Variants in TEX36 observed in about 807,000 individuals in gnomAD.
TEX36 encodes testis-expressed protein 36.
In TEX36, 12 loss-of-function variants were observed where a neutral mutation model predicts 13.6. The ratio of observed to expected loss-of-function variants is 0.88; its 90% CI spans 0.56 to 1.43. TEX36 has a LOEUF of 1.43. TEX36 is among the 40% of genes most tolerant of loss of function. TEX36 has a pLI of 0.00. For missense variants in TEX36, 224 were observed against 228.3 expected (o/e 0.98, Z 0.12); for synonymous variants, 93 against 83.0 (o/e 1.12, Z -0.65).
intron 3 of TEX36, among the ~76,000 whole-genome samples, chr10:125,633,403 T>C (rs1846584583): frequency 6.6e-6 from 1 of 152,234 alleles, no homozygotes. Flanking sequence ...CCTGTAATGC[T>C]CTCAGTTCTG....
intron 3 of TEX36, among the ~76,000 whole-genome samples, chr10:125,628,195 C>G (rs149662439): frequency 6.6e-6 from 1 of 152,184 alleles, no homozygotes; most frequent in Non-Finnish European, 1.5e-5. Context: ...GTGTGCTTGT[C>G]GTGGAAGGGA....
At chr10:125,610,022 G>A (rs1846270821) in intron 3 of TEX36, among the ~76,000 whole-genome samples, 1 of 152,132 alleles carries the variant, frequency 6.6e-6, no homozygotes, top group African/African-American at 2.4e-5. Flanking sequence ...TATAATACAT[G>A]AGCATACTAA....
At chr10:125,681,313 A>G (rs952466187) in intron 1 of TEX36, among the ~76,000 whole-genome samples, 2 of 152,196 alleles carry the variant, frequency 1.3e-5, no homozygotes, top group Non-Finnish European at 2.9e-5. Flanking sequence ...AGAAATATAA[A>G]TCCCTATTTG....
At chr10:125,646,612 T>C (rs898491320) in intron 3 of TEX36, among the ~76,000 whole-genome samples, 2 of 151,936 alleles carry the variant, frequency 1.3e-5, no homozygotes, top group African/African-American at 4.8e-5. Context: ...GCAACAAAAA[T>C]GTAGAGTTGG....
intron 1 of TEX36, among the ~76,000 whole-genome samples, chr10:125,676,379 T>G (rs1361236743): frequency 6.6e-6 from 1 of 152,246 alleles, no homozygotes; most frequent in East Asian, 1.9e-4. Flanking sequence ...TCTTTGTATT[T>G]TTTTTACTGT....
At chr10:125,628,126 A>G (rs960111944) in intron 3 of TEX36, among the ~76,000 whole-genome samples, 1 of 152,238 alleles carries the variant, frequency 6.6e-6, no homozygotes, top group East Asian at 1.9e-4. Context: ...TTGGCACCTG[A>G]AGGAAAAAAA....
At chr10:125,679,058 G>C (rs989991887) in intron 1 of TEX36, among the ~76,000 whole-genome samples, 1 of 151,698 alleles carries the variant, frequency 6.6e-6, no homozygotes, top group Non-Finnish European at 1.5e-5. Context: ...TCATGCTCCA[G>C]TCCTGCCAGG....
At chr10:125,664,973 T>C (rs1049262513) in intron 1 of TEX36, among the ~76,000 whole-genome samples, 8 of 152,222 alleles carry the variant, frequency 5.3e-5, no homozygotes, top group African/African-American at 1.9e-4. Flanking sequence ...ATCAATGATG[T>C]TGAGCACCTT....
chr10:125,622,234 C>G (rs191016544), intron 3 of TEX36, among the ~76,000 whole-genome samples: 88 of 152,306 alleles, frequency 5.8e-4, no homozygotes, highest in African/African-American at 2.0e-3. Flanking sequence ...AAGAAGCACA[C>G]TAATCCTTAA....
chr10:125,654,162 T>C (rs1034171007), downstream of TEX36, among the ~76,000 whole-genome samples: 10 of 152,108 alleles, frequency 6.6e-5, no homozygotes, highest in Non-Finnish European at 1.5e-4. Flanking sequence ...TGAAACATTA[T>C]TAGAACTTTC....
chr10:125,633,303 A>T (rs1178111331), intron 3 of TEX36, among the ~76,000 whole-genome samples: 1 of 152,154 alleles, frequency 6.6e-6, no homozygotes, highest in Non-Finnish European at 1.5e-5. Flanking sequence ...AGGGATCAAC[A>T]TCTCTCTAGA....
At chr10:125,636,514 T>C (rs1846626026) in intron 3 of TEX36, among the ~76,000 whole-genome samples, 1 of 152,166 alleles carries the variant, frequency 6.6e-6, no homozygotes, top group Non-Finnish European at 1.5e-5. Context: ...ACGCCCAGCC[T>C]TGCTGAACTA....
intron 1 of TEX36, among the ~76,000 whole-genome samples, chr10:125,673,642 G>A (rs1458715610): frequency 3.3e-5 from 5 of 150,698 alleles, no homozygotes; most frequent in African/African-American, 1.2e-4. Context: ...CCCAGGAGGT[G>A]GAGGTGGCAG....
chr10:125,599,214 A>G (rs924657712), intron 3 of TEX36, among the ~76,000 whole-genome samples: 1 of 152,218 alleles, frequency 6.6e-6, no homozygotes, highest in African/African-American at 2.4e-5. Flanking sequence ...AACTGCATCC[A>G]CTAACGGTTT....
intron 3 of TEX36, among the ~76,000 whole-genome samples, chr10:125,606,130 A>G (rs1846212987): frequency 6.6e-6 from 1 of 152,202 alleles, no homozygotes; most frequent in African/African-American, 2.4e-5. Context: ...TAAAAAATCA[A>G]TTCCTGGAAT....
intron 3 of TEX36, among the ~76,000 whole-genome samples, chr10:125,594,160 A>T (rs776579336): frequency 6.6e-6 from 1 of 152,224 alleles, no homozygotes; most frequent in Non-Finnish European, 1.5e-5. Context: ...ACCTTACTTT[A>T]GCCCAGAAGA....
intron 3 of TEX36, among the ~76,000 whole-genome samples, chr10:125,615,834 A>C (rs544949202): frequency 6.6e-6 from 1 of 152,164 alleles, no homozygotes; most frequent in East Asian, 1.9e-4. Flanking sequence ...TTTTCTATTG[A>C]TTGGAATAGT....
intron 1 of TEX36, among the ~76,000 whole-genome samples, chr10:125,669,074 C>T (rs1014965051): frequency 3.9e-5 from 6 of 152,042 alleles, no homozygotes; most frequent in Non-Finnish European, 7.4e-5. Context: ...AGGCAGATCA[C>T]GAGGTCAAGA....
chr10:125,642,076 T>C (rs1014329830), intron 3 of TEX36, among the ~76,000 whole-genome samples: 2 of 152,220 alleles, frequency 1.3e-5, no homozygotes, highest in African/African-American at 2.4e-5. Flanking sequence ...TCACTTCCCA[T>C]AAGTGGAATT....
Sources: gnomAD v4.1 joint callset for allele counts (sites outside exome capture counted in the v4.1 genomes callset) on GRCh38, gnomAD v4.1.1 for gene constraint, MANE v1.5 for transcripts, NCBI Gene and HGNC (gene_info 2026-07-23, HGNC 2026-07-21) for gene names.